The following ZNF407 variants were observed in gnomAD, a reference collection of about 807,000 sequenced individuals.
ZNF407 encodes zinc finger protein 407.
ZNF407 carries 17 observed loss-of-function variants against 131.2 expected under a neutral mutation model. The ratio of observed to expected loss-of-function variants is 0.13; its 90% CI spans 0.09 to 0.19. ZNF407 has a LOEUF of 0.19. ZNF407 is among the 10% of genes least tolerant of loss of function. The pLI, the probability that ZNF407 is intolerant of heterozygous loss-of-function variation, is 1.00. For synonymous variants in ZNF407, 1,156 were observed against 1,062.0 expected (o/e 1.09, Z -1.72); for missense variants, 2,681 against 2,830.6 (o/e 0.95, Z 1.20).
intron 1 of ZNF407, among the ~76,000 whole-genome samples, chr18:74,606,230 G>C (rs941591056): frequency 2.6e-5 from 4 of 152,030 alleles, no homozygotes; most frequent in Admixed American, 2.6e-4. Context: ...TTGGAAATCT[G>C]CTATGTGAAA....
chr18:74,955,479 T>C (rs538084850), intron 8 of ZNF407, among the ~76,000 whole-genome samples: 1 of 152,216 alleles, frequency 6.6e-6, no homozygotes, highest in African/African-American at 2.4e-5. Context: ...ATAGCTGATA[T>C]ATGGAGCTGG....
intron 4 of ZNF407, among the ~76,000 whole-genome samples, chr18:74,871,253 G>T (rs1971083105): frequency 1.3e-5 from 2 of 152,104 alleles, no homozygotes; most frequent in Non-Finnish European, 2.9e-5. Context: ...ATTCAGGTGG[G>T]AACCCTTCTA....
intron 8 of ZNF407, among the ~76,000 whole-genome samples, chr18:75,043,796 A>T (rs1973401157): frequency 6.6e-6 from 1 of 152,204 alleles, no homozygotes; most frequent in Admixed American, 6.5e-5. Flanking sequence ...TTGCCAAGTA[A>T]AGAGTCCTGC....
In ZNF407 at chr18:74,995,457, G is replaced by A. The variant is rs536631217; in HGVS notation, c.5429-67693G>A. ...GTGAAGTGGGCAGGTTCTAAAAAAA[G>A]CATTAGGCTATCAAAGAAACCTTAA... On this transcript the variant is annotated intron_variant, in intron 8 of 8. Coordinates refer to ENST00000299687, the MANE Select transcript of ZNF407 (RefSeq NM_017757.3). 3.3e-5 allele frequency among the ~76,000 whole-genome samples: 5 copies of A among 152,284 alleles called. No individual in the cohort carries two copies. In the South Asian group the frequency reaches 6.2e-4, roughly 19 times the overall value.
chr18:74,804,348 C>T (rs928493599), intron 4 of ZNF407: 20 of 1,060,228 alleles, frequency 1.9e-5, no homozygotes, highest in Non-Finnish European at 2.3e-5. Flanking sequence ...TTAAAGCTGA[C>T]TGTCCAATCA....
intron 4 of ZNF407, among the ~76,000 whole-genome samples, chr18:74,854,040 G>A (rs566497336): frequency 4.6e-4 from 70 of 152,222 alleles, no homozygotes; most frequent in South Asian, 8.3e-4. Context: ...ATATATAATG[G>A]TTTGCGAATG....
At chr18:74,809,139 T>G (rs894787598) in intron 4 of ZNF407, among the ~76,000 whole-genome samples, 2 of 152,198 alleles carry the variant, frequency 1.3e-5, no homozygotes, top group African/African-American at 4.8e-5. Context: ...CACTCTTAGA[T>G]CCGGCATGCA....
chr18:74,711,263 T>A (rs2144846589), intron 3 of ZNF407, among the ~76,000 whole-genome samples: 1 of 152,060 alleles, frequency 6.6e-6, no homozygotes, highest in East Asian at 1.9e-4. Flanking sequence ...CATGTCCTCA[T>A]CCCCGGCACC....
At chr18:74,616,967 G>GTA (rs1983326173) in intron 1 of ZNF407, among the ~76,000 whole-genome samples, 1 of 3,752 alleles carries the variant, frequency 2.7e-4, no homozygotes. Flanking sequence ...CCATATCCAC[G>GTA]CACCACACAC....
At chr18:75,060,499 C>CTTTTTCTCTT in intron 8 of ZNF407, among the ~76,000 whole-genome samples, 1 of 68,920 alleles carries the variant, frequency 1.5e-5, no homozygotes, top group Non-Finnish European at 3.1e-5. Context: ...TCTTTTTTTT[C>CTTTTTCTCTT]TTTTTTTCTT....
intron 3 of ZNF407, among the ~76,000 whole-genome samples, chr18:74,761,558 A>G (rs571905653): frequency 2.2e-4 from 33 of 152,270 alleles, no homozygotes; most frequent in African/African-American, 7.5e-4. Flanking sequence ...TAATATTGCT[A>G]TATATTATTT....
chr18:74,750,538 C>T (rs1327860250), intron 3 of ZNF407, among the ~76,000 whole-genome samples: 2 of 152,166 alleles, frequency 1.3e-5, no homozygotes, highest in African/African-American at 2.4e-5. Context: ...TCATAGCATG[C>T]ATCAGTGCTT....
intron 4 of ZNF407, among the ~76,000 whole-genome samples, chr18:74,861,332 C>G (rs1280655277): frequency 6.6e-6 from 1 of 152,162 alleles, no homozygotes; most frequent in Non-Finnish European, 1.5e-5. Context: ...TAAATCTGTC[C>G]ATGCAAAAAT....
chr18:75,052,162 G>A (rs1230648926), intron 8 of ZNF407, among the ~76,000 whole-genome samples: 1 of 152,140 alleles, frequency 6.6e-6, no homozygotes, highest in African/African-American at 2.4e-5. Context: ...TTAATTTTAT[G>A]TATGCATGTG....
chr18:74,927,622 T>C (rs886820709), intron 8 of ZNF407, among the ~76,000 whole-genome samples: 9 of 152,224 alleles, frequency 5.9e-5, no homozygotes, highest in African/African-American at 2.2e-4. Context: ...AAGAGTAACA[T>C]TGTTTAGCTT....
chr18:74,908,008 A>G (rs1485347987), intron 7 of ZNF407, among the ~76,000 whole-genome samples: 2 of 152,036 alleles, frequency 1.3e-5, no homozygotes, highest in Admixed American at 1.3e-4. Flanking sequence ...AACTATCTGT[A>G]TTTCTCCAAT....
chr18:74,803,925 A>G (rs992117008), intron 4 of ZNF407: 25 of 1,548,638 alleles, frequency 1.6e-5, no homozygotes, highest in East Asian at 1.2e-4. Context: ...CCTTGAAAAC[A>G]TGAAGCAATT....
chr18:74,737,214 G>A (rs2144910095), intron 3 of ZNF407, among the ~76,000 whole-genome samples: 1 of 152,198 alleles, frequency 6.6e-6, no homozygotes, highest in Non-Finnish European at 1.5e-5. Context: ...TTTGTTTTTA[G>A]AGAAGTTTTG....
chr18:74,632,802 T>C lies in ZNF407; in HGVS notation c.1783T>C (p.Phe595Leu). 1 of 1,614,034 alleles carries C rather than the reference T, an allele frequency of 6.2e-7. No individual in the cohort carries two copies. Among genetic ancestry groups the C allele is most frequent in the Non-Finnish European group, 8.5e-7 (1 of 1,179,886 alleles). ...TGTCCTGAGTTGTCAGTGTTGTTCA[T>C]TTATATCCTTGGATGAAATAAATCT... ...ASVLSCQCCS[F>L]ISLDEINLRD... The change falls in exon 2 of 9, where the codon TTT becomes CTT. Residue 595 changes from phenylalanine (F) to leucine (L), a missense_variant. Physicochemically the swap from Phe to Leu is conservative, Grantham distance 22 (BLOSUM62 0). Transcript: ENST00000299687.
Sources: gnomAD v4.1 joint callset for allele counts (sites outside exome capture counted in the v4.1 genomes callset) on GRCh38, gnomAD v4.1.1 for gene constraint, MANE v1.5 for transcripts, NCBI Gene and HGNC (gene_info 2026-07-23, HGNC 2026-07-21) for gene names.